Variants in OSBPL8 observed in about 807,000 individuals in gnomAD.
The protein encoded by OSBPL8 is oxysterol-binding protein-related protein 8.
OSBPL8 carries 59 observed loss-of-function variants against 125.5 expected under a neutral mutation model. The ratio of observed to expected loss-of-function variants is 0.47; its 90% CI spans 0.38 to 0.58. The LOEUF (loss-of-function observed/expected upper bound fraction) is 0.58. OSBPL8 is among the 20% of genes least tolerant of loss of function. The pLI, the probability that OSBPL8 is intolerant of heterozygous loss-of-function variation, is 0.00. For missense variants in OSBPL8, 758 were observed against 1,047.8 expected (o/e 0.72, Z 3.82); for synonymous variants, 330 against 338.9 (o/e 0.97, Z 0.29).
At chr12:76,521,693 A>G (rs1057100482) in intron 1 of OSBPL8, among the ~76,000 whole-genome samples, 47 of 152,250 alleles carry the variant, frequency 3.1e-4, no homozygotes, top group Admixed American at 6.5e-5. Flanking sequence ...TAAGCCAGTC[A>G]CAAAATGGCA....
chr12:76,420,556 G>T (rs1869345008), intron 4 of OSBPL8, among the ~76,000 whole-genome samples: 1 of 151,784 alleles, frequency 6.6e-6, no homozygotes. Context: ...AGGCAGAAGT[G>T]GCTAAAAGAA....
chr12:76,480,407 A>G (rs1877343137), intron 2 of OSBPL8, among the ~76,000 whole-genome samples: 1 of 152,134 alleles, frequency 6.6e-6, no homozygotes, highest in Non-Finnish European at 1.5e-5. Context: ...AACAATGTCA[A>G]TCCAAGTTGA....
At chr12:76,466,331 T>C (rs970550961) in intron 2 of OSBPL8, among the ~76,000 whole-genome samples, 1 of 152,238 alleles carries the variant, frequency 6.6e-6, no homozygotes. Flanking sequence ...TTATTTCTTA[T>C]TATGACATAA....
At chr12:76,540,487 CGTGTGTGTGT>C (rs59101769) in intron 1 of OSBPL8, among the ~76,000 whole-genome samples, 30 of 141,738 alleles carry the variant, frequency 2.1e-4, no homozygotes, top group African/African-American at 4.9e-4. Flanking sequence ...ATTATATAGT[CGTGTGTGTGT>C]GTGTGTGTGT....
chr12:76,379,817 C>T (rs1952968073), intron 15 of OSBPL8, among the ~76,000 whole-genome samples: 1 of 152,104 alleles, frequency 6.6e-6, no homozygotes, highest in Non-Finnish European at 1.5e-5. Flanking sequence ...TACTTAAGAA[C>T]ATTTACGTAC....
At chr12:76,523,722 G>T (rs1950085821) in intron 1 of OSBPL8, among the ~76,000 whole-genome samples, 1 of 152,180 alleles carries the variant, frequency 6.6e-6, no homozygotes, top group African/African-American at 2.4e-5. Flanking sequence ...ACCTGACCAT[G>T]CTGGCACCCT....
intron 1 of OSBPL8, among the ~76,000 whole-genome samples, chr12:76,519,307 T>C (rs1056273614): frequency 1.3e-5 from 2 of 152,204 alleles, no homozygotes; most frequent in African/African-American, 4.8e-5. Context: ...GGGTGACCTT[T>C]ACTCCAGTCC....
At chr12:76,536,486 T>C (rs1288026268) in intron 1 of OSBPL8, among the ~76,000 whole-genome samples, 1 of 152,184 alleles carries the variant, frequency 6.6e-6, no homozygotes, top group Non-Finnish European at 1.5e-5. Context: ...GTTAATCTTA[T>C]CACTGTACTA....
intron 5 of OSBPL8, 145 bp downstream of exon 5, chr12:76,410,419 C>G: frequency 1.8e-6 from 1 of 558,386 alleles, no homozygotes; most frequent in Non-Finnish European, 3.1e-6. Flanking sequence ...CCCAATGGAA[C>G]TTCACTCTTT....
At chr12:76,379,214 T>A (rs1252915996) in intron 15 of OSBPL8, among the ~76,000 whole-genome samples, 1 of 152,232 alleles carries the variant, frequency 6.6e-6, no homozygotes, top group East Asian at 1.9e-4. Context: ...GTAAGTCACA[T>A]TACTTACAAA....
chr12:76,463,912 T>G (rs192874556), intron 2 of OSBPL8, among the ~76,000 whole-genome samples: 25 of 152,344 alleles, frequency 1.6e-4, no homozygotes, highest in Non-Finnish European at 2.8e-4. Flanking sequence ...TTCTTACCAC[T>G]TCTAGGACCT....
intron 2 of OSBPL8, among the ~76,000 whole-genome samples, chr12:76,475,741 T>C (rs1876724914): frequency 6.6e-6 from 1 of 152,074 alleles, no homozygotes; most frequent in African/African-American, 2.4e-5. Context: ...GTATCACAGA[T>C]AAAGGAAAGG....
At chr12:76,383,681 TAAAAGC>T (rs1373099299) in intron 15 of OSBPL8, among the ~76,000 whole-genome samples, 1 of 152,218 alleles carries the variant, frequency 6.6e-6, no homozygotes, top group Non-Finnish European at 1.5e-5. Context: ...TAAAACTATA[TAAAAGC>T]ATTTTAAGGT....
At chr12:76,459,694 G>A (rs1874474625) in intron 3 of OSBPL8, among the ~76,000 whole-genome samples, 165 bp downstream of exon 3, 1 of 152,028 alleles carries the variant, frequency 6.6e-6, no homozygotes, top group African/African-American at 2.4e-5. Context: ...TGGGGCACTG[G>A]GTACTAAATG....
intron 21 of OSBPL8, 110 bp downstream of exon 21, chr12:76,369,104 T>G: frequency 7.1e-7 from 1 of 1,413,168 alleles, no homozygotes; most frequent in African/African-American, 1.5e-5. Flanking sequence ...AGCTGCGTAT[T>G]TTGCTCACCC....
chr12:76,499,906 T>C (rs1451163905), intron 1 of OSBPL8, among the ~76,000 whole-genome samples: 1 of 152,030 alleles, frequency 6.6e-6, no homozygotes, highest in African/African-American at 2.4e-5. Flanking sequence ...ATGCTCAAGT[T>C]TCCCTTACTC....
intron 1 of OSBPL8, among the ~76,000 whole-genome samples, chr12:76,533,277 C>T (rs1337883328): frequency 6.6e-6 from 1 of 151,786 alleles, no homozygotes; most frequent in Admixed American, 6.6e-5. Flanking sequence ...TTTTTTAAGA[C>T]CAGGTTTTGA....
At chr12:76,548,860 C>G (rs544032500) in intron 1 of OSBPL8, among the ~76,000 whole-genome samples, 1 of 152,028 alleles carries the variant, frequency 6.6e-6, no homozygotes, top group African/African-American at 2.4e-5. Context: ...AATTATCAGG[C>G]ACATAAGGAA....
intron 1 of OSBPL8, among the ~76,000 whole-genome samples, chr12:76,531,894 A>G (rs1216862617): frequency 6.6e-6 from 1 of 151,996 alleles, no homozygotes; most frequent in African/African-American, 2.4e-5. Context: ...AAAATTAGCC[A>G]GGCATGGTGG....
Sources: gnomAD v4.1 joint callset for allele counts (sites outside exome capture counted in the v4.1 genomes callset) on GRCh38, gnomAD v4.1.1 for gene constraint, MANE v1.5 for transcripts, NCBI Gene and HGNC (gene_info 2026-07-23, HGNC 2026-07-21) for gene names.